DYTN: variants seen among roughly 807,000 people sequenced by gnomAD.
DYTN encodes dystrotelin.
A neutral mutation model predicts 69.6 loss-of-function variants in DYTN; 75 were observed. The observed-to-expected ratio is 1.08, with a 90% confidence interval of 0.89 to 1.31. The LOEUF is 1.31. Ranked by LOEUF, DYTN falls within the 50% of genes most tolerant of loss-of-function variation. The pLI, the probability that DYTN is intolerant of heterozygous loss-of-function variation, is 0.00. For missense variants in DYTN, 726 were observed against 688.4 expected, an observed-to-expected ratio of 1.05 and a Z score of -0.61; for synonymous variants, 252 against 249.1, an observed-to-expected ratio of 1.01 and a Z score of -0.11.
In DYTN at chr2:206,700,187, A is replaced by T. The variant is rs1268872695; in HGVS notation, c.513T>A (p.Ala171=). 1 of 1,613,930 alleles carries T rather than the reference A, an allele frequency of 6.2e-7. No individual in the cohort carries two copies. Among genetic ancestry groups the T allele is most frequent in the Non-Finnish European group, 8.5e-7 (1 of 1,179,816 alleles). ...GGGTGGCACTTTCCACAGGGCACAG[A>T]GCACGACTCTCTCCCACGAAAGTTG... ...QIPTFVGESR[A]LCPVESATRS... Residue 171 remains alanine, a synonymous_variant, in exon 6 of 12, where the codon GCT becomes GCA. Coordinates refer to ENST00000452335, the MANE Select transcript of DYTN (RefSeq NM_001093730.1).
intron 9 of DYTN, among the ~76,000 whole-genome samples, chr2:206,684,895 C>T (rs1699788722): frequency 6.6e-6 from 1 of 152,138 alleles, no homozygotes; most frequent in Admixed American, 6.5e-5. Context: ...AAGCAACTTA[C>T]AAATGACTCA....
rs187839449 is a variant in DYTN, at chr2:206,688,842, G to A, written c.980+4333C>T. ...TGTATCTTTTTTGTTAAACTTTTTTGTAGTTTCTTTTAAAAATAATTTTTA... is the reference window on the plus strand; with the variant it reads ...TGTATCTTTTTTGTTAAACTTTTTTATAGTTTCTTTTAAAAATAATTTTTA... On this transcript the variant is annotated intron_variant, in intron 9 of 11. Coordinates refer to ENST00000452335, the MANE Select transcript of DYTN (RefSeq NM_001093730.1). 2.6e-3 allele frequency among the ~76,000 whole-genome samples: 396 copies of A among 151,914 alleles called. 3 individuals carry two copies. Among genetic ancestry groups the A allele is most frequent in the African/African-American group, 9.0e-3 (372 of 41,454 alleles).
At chr2:206,662,366 CTAA>C (rs944721614) in intron 11 of DYTN, among the ~76,000 whole-genome samples, 2 of 152,062 alleles carry the variant, frequency 1.3e-5, no homozygotes, top group Non-Finnish European at 2.9e-5. Flanking sequence ...ACAAAATACC[CTAA>C]TGAGAAATAA....
At chr2:206,702,918 G>A (rs566596058) in intron 5 of DYTN, among the ~76,000 whole-genome samples, 1 of 152,244 alleles carries the variant, frequency 6.6e-6, no homozygotes, top group Admixed American at 6.5e-5. Context: ...ACCGGCACAG[G>A]CAGACACCAC....
rs1423027613 is a variant in DYTN at position 206,666,022 on chromosome 2, T to A, written c.988A>T (p.Lys330Ter). Residue 330 changes from lysine to a stop codon, truncating the protein, a stop_gained, in exon 10 of 12, where the codon AAA becomes TAA. Transcript: ENST00000452335. LOFTEE classifies it high-confidence loss of function. ...TCTTTGTATTGGTTTAACTGTTTTT[T>A]AAGGAGCCTGAAAAGAGAACAGATT... ...VPHHAQARLL[K>*]KQLNQYKDKL... 6.2e-7 allele frequency: 1 copy of A among 1,613,586 alleles called. No individual in the cohort carries two copies. The highest frequency in any genetic ancestry group is 8.5e-7 in the Non-Finnish European group (1 of 1,179,740).
At chr2:206,659,495 A>G (rs1465547442) in intron 11 of DYTN, among the ~76,000 whole-genome samples, 1 of 150,140 alleles carries the variant, frequency 6.7e-6, no homozygotes, top group African/African-American at 2.4e-5. Flanking sequence ...AAAAAAAAAA[A>G]AAAAAAAAAA....
intron 11 of DYTN, 48 bp from the exon 12 acceptor site, chr2:206,651,969 T>G (rs1372475193): frequency 6.5e-7 from 1 of 1,542,790 alleles, no homozygotes; most frequent in East Asian, 2.3e-5. Flanking sequence ...TACCGGTAGC[T>G]TCTCATGAAG....
At chr2:206,674,915 G>T (rs773751430) in intron 9 of DYTN, among the ~76,000 whole-genome samples, 1 of 151,748 alleles carries the variant, frequency 6.6e-6, no homozygotes, top group Non-Finnish European at 1.5e-5. Context: ...ACCATCTCGA[G>T]CCAACAACTA....
chr2:206,689,246 T>C (rs991650454), intron 9 of DYTN, among the ~76,000 whole-genome samples: 1 of 152,254 alleles, frequency 6.6e-6, no homozygotes. Flanking sequence ...CTTATTACCA[T>C]GCAGATAGTT....
At chr2:206,700,342 G>T (rs1699964409) in intron 5 of DYTN, 126 bp from the exon 6 acceptor site, 2 of 980,812 alleles carry the variant, frequency 2.0e-6, no homozygotes, top group Non-Finnish European at 3.2e-6. Context: ...GAGACGAGGT[G>T]AACTGTCTCA....
At position 206,665,902 on chromosome 2, in the gene DYTN, T is replaced by C. The variant is rs1299263564; in HGVS notation, c.1108A>G (p.Thr370Ala). 2 of 1,613,982 alleles carry C rather than the reference T, an allele frequency of 1.2e-6. No individual in the cohort carries two copies. Among genetic ancestry groups the C allele is most frequent in the Non-Finnish European group, 1.7e-6 (2 of 1,179,866 alleles). The change falls in exon 10 of 12, where the codon ACC becomes GCC. Residue 370 changes from threonine to alanine, a missense_variant. Coordinates refer to ENST00000452335, the MANE Select transcript of DYTN (RefSeq NM_001093730.1). ...KLKTNQDSLW[T>A]KLQQIRRDLQ... ...TCCCGTCTTATCTGTTGTAGCTTGG[T>C]CCATAGACTATCCTGGTTGGTTTTG...
At chr2:206,680,453 T>G (rs1699738782) in intron 9 of DYTN, among the ~76,000 whole-genome samples, 1 of 152,194 alleles carries the variant, frequency 6.6e-6, no homozygotes, top group African/African-American at 2.4e-5. Context: ...AACATCAATA[T>G]GTATTTTAAA....
chr2:206,715,279 C>A (rs1279214560), intron 1 of DYTN, among the ~76,000 whole-genome samples: 1 of 152,092 alleles, frequency 6.6e-6, no homozygotes, highest in Non-Finnish European at 1.5e-5. Context: ...AAACTGGGTG[C>A]CTGTCCAGGA....
At chr2:206,663,461 C>T in intron 10 of DYTN, 66 bp from the exon 11 acceptor site, 1 of 1,452,038 alleles carries the variant, frequency 6.9e-7, no homozygotes, top group East Asian at 2.4e-5. Flanking sequence ...AAATGCATTA[C>T]ATTTCAACAT....
Position 206,679,857 on chromosome 2 carries a change from C to T in DYTN, c.980+13318G>A, listed in dbSNP as rs114878089. Among the ~76,000 whole-genome samples the T allele has an allele frequency of 3.2e-3, 480 of 152,228 alleles. 7 individuals are homozygous for T. The highest frequency in any genetic ancestry group is 0.011 in the African/African-American group (450 of 41,534). ...GACCCACAGTTTCTTTGTAACAAACCTTCTGAATGACAAACTCGATTCCTA... is the reference window on the plus strand; with the variant it reads ...GACCCACAGTTTCTTTGTAACAAACTTTCTGAATGACAAACTCGATTCCTA... On this transcript the variant is annotated intron_variant, in intron 9 of 11. Coordinates refer to ENST00000452335, the MANE Select transcript of DYTN (RefSeq NM_001093730.1).
chr2:206,685,629 A>G (rs975840711), intron 9 of DYTN, among the ~76,000 whole-genome samples: 5 of 152,160 alleles, frequency 3.3e-5, no homozygotes, highest in Admixed American at 3.3e-4. Flanking sequence ...CAGGTCCCTC[A>G]GGTGGGTGAG....
At chr2:206,699,919 T>C in intron 6 of DYTN, 29 bp from the exon 7 acceptor site, 1 of 1,599,374 alleles carries the variant, frequency 6.3e-7, no homozygotes, top group Non-Finnish European at 8.5e-7. Flanking sequence ...CTAAGATGTG[T>C]TTTTAGGCAC....
In DYTN at chr2:206,663,477, C is replaced by T. The variant is rs1699536496; in HGVS notation, c.1141-82G>A. On this transcript the variant is annotated intron_variant, in intron 10 of 11. Transcript: ENST00000452335. The stretch of plus-strand genomic sequence containing the variant: ...AATGCATTACATTTCAACATTCCAA[C>T]AGAACATTCTAATGCAAGACTTTTC... The T allele has an allele frequency of 1.3e-5, 19 of 1,411,010 alleles. No homozygotes were observed. In the East Asian group the frequency reaches 4.8e-4, roughly 35 times the overall value. The allele number at this position is 1,411,010 out of a possible 1,614,324, so 87.4% of individuals were successfully genotyped here.
intron 7 of DYTN, among the ~76,000 whole-genome samples, chr2:206,697,786 G>T (rs1286678721): frequency 6.6e-6 from 1 of 152,092 alleles, no homozygotes; most frequent in Non-Finnish European, 1.5e-5. Context: ...TTTACATGGG[G>T]GCATTTTAAA....
Sources: gnomAD v4.1 joint callset for allele counts (sites outside exome capture counted in the v4.1 genomes callset) on GRCh38, gnomAD v4.1.1 for gene constraint, MANE v1.5 for transcripts, NCBI Gene and HGNC (gene_info 2026-07-23, HGNC 2026-07-21) for gene names.